The following HS6ST3 variants were observed in gnomAD, a reference collection of about 807,000 sequenced individuals.
HS6ST3 encodes heparan-sulfate 6-O-sulfotransferase 3.
HS6ST3 carries 12 observed loss-of-function variants against 36.7 expected under a neutral mutation model. The observed-to-expected ratio is 0.33, with a 90% CI of 0.21 to 0.53. The LOEUF is 0.53. Ranked by LOEUF, HS6ST3 falls within the 20% of genes least tolerant of loss-of-function variation. The probability of loss-of-function intolerance (pLI) is 0.95; values close to 1 mark genes in which losing one functional copy is unlikely to be tolerated. For synonymous variants in HS6ST3, 240 were observed against 257.5 expected, an observed-to-expected ratio of 0.93 and a Z score of 0.65; for missense variants, 584 against 640.9, an observed-to-expected ratio of 0.91 and a Z score of 0.96.
chr13:96,187,679 A>G (rs1323005921), intron 1 of HS6ST3, among the ~76,000 whole-genome samples: 1 of 152,186 alleles, frequency 6.6e-6, no homozygotes, highest in African/African-American at 2.4e-5. Context: ...TGTATTATTT[A>G]TGGCAGATCC....
chr13:96,316,396 C>G (rs2054970347), intron 1 of HS6ST3, among the ~76,000 whole-genome samples: 1 of 152,044 alleles, frequency 6.6e-6, no homozygotes, highest in South Asian at 2.1e-4. Flanking sequence ...CATAACTTCC[C>G]TAAGTTCCAA....
intron 1 of HS6ST3, among the ~76,000 whole-genome samples, chr13:96,141,345 C>CT (rs199600786): frequency 0.011 from 1,702 of 151,714 alleles, 39 homozygotes; most frequent in African/African-American, 0.038. Context: ...CAGTAAAGGA[C>CT]TTTTTTTTTC....
chr13:96,370,368 T>C (rs1446497612), intron 1 of HS6ST3, among the ~76,000 whole-genome samples: 1 of 152,238 alleles, frequency 6.6e-6, no homozygotes. Context: ...ATTTGTTGAT[T>C]GCTTATTTTT....
chr13:96,386,986 T>A (rs2055371770), intron 1 of HS6ST3, among the ~76,000 whole-genome samples: 1 of 152,158 alleles, frequency 6.6e-6, no homozygotes, highest in Non-Finnish European at 1.5e-5. Flanking sequence ...TGGAGTGCGG[T>A]GGCATGACCA....
intron 1 of HS6ST3, among the ~76,000 whole-genome samples, chr13:96,636,988 G>A (rs2056552158): frequency 6.6e-6 from 1 of 151,412 alleles, no homozygotes; most frequent in East Asian, 1.9e-4. Context: ...CATAGGTTAT[G>A]AACAAAAATA....
intron 1 of HS6ST3, among the ~76,000 whole-genome samples, chr13:96,460,040 A>T (rs2055776188): frequency 6.6e-6 from 1 of 152,216 alleles, no homozygotes; most frequent in South Asian, 2.1e-4. Flanking sequence ...AATTTGCTAT[A>T]TTGCAGTCAT....
At chr13:96,520,629 G>T (rs186545107) in intron 1 of HS6ST3, among the ~76,000 whole-genome samples, 93 of 148,656 alleles carry the variant, frequency 6.3e-4, no homozygotes, top group Non-Finnish European at 1.3e-3. Context: ...TGTGAATGTA[G>T]CAATTTGGCT....
At chr13:96,241,954 T>G (rs1445467023) in intron 1 of HS6ST3, among the ~76,000 whole-genome samples, 1 of 151,510 alleles carries the variant, frequency 6.6e-6, no homozygotes, top group Non-Finnish European at 1.5e-5. Flanking sequence ...CCCGGCTAAT[T>G]TTTTGTATTT....
intron 1 of HS6ST3, among the ~76,000 whole-genome samples, chr13:96,351,335 T>TA (rs1555300084): frequency 1.4e-4 from 21 of 146,402 alleles, no homozygotes; most frequent in Admixed American, 4.7e-4. Flanking sequence ...TTTTTTTTTT[T>TA]AAAAAAAACA....
intron 1 of HS6ST3, among the ~76,000 whole-genome samples, chr13:96,784,159 T>G (rs535975844): frequency 7.2e-5 from 11 of 151,808 alleles, no homozygotes; most frequent in Non-Finnish European, 1.5e-5. Context: ...TGTATCAATA[T>G]CTGCTTTATC....
chr13:96,328,679 G>A (rs11620222), intron 1 of HS6ST3, among the ~76,000 whole-genome samples: 1,981 of 151,786 alleles, frequency 0.013, 22 homozygotes, highest in East Asian at 0.049. Context: ...TTGGTATCAG[G>A]ATGATGCTGG....
intron 1 of HS6ST3, among the ~76,000 whole-genome samples, chr13:96,474,901 A>C (rs1488218103): frequency 6.6e-6 from 1 of 152,252 alleles, no homozygotes; most frequent in Non-Finnish European, 1.5e-5. Context: ...ATAAGATCAA[A>C]TAGAAAGTGA....
At chr13:96,155,737 C>G (rs1431457243) in intron 1 of HS6ST3, among the ~76,000 whole-genome samples, 1 of 152,164 alleles carries the variant, frequency 6.6e-6, no homozygotes, top group Non-Finnish European at 1.5e-5. Context: ...TGCAATTTAT[C>G]ATACTATTTT....
intron 1 of HS6ST3, among the ~76,000 whole-genome samples, chr13:96,382,860 T>C (rs932960206): frequency 2.0e-5 from 3 of 152,210 alleles, no homozygotes; most frequent in Non-Finnish European, 2.9e-5. Context: ...TAAGCCTAAC[T>C]TATAATTTAA....
intron 1 of HS6ST3, among the ~76,000 whole-genome samples, chr13:96,396,338 T>G (rs1055349533): frequency 5.3e-5 from 8 of 151,940 alleles, no homozygotes; most frequent in Non-Finnish European, 1.2e-4. Flanking sequence ...TTGTTTGTTT[T>G]TTAAAAGGAA....
At chr13:96,388,799 G>A (rs1224198634) in intron 1 of HS6ST3, among the ~76,000 whole-genome samples, 1 of 152,070 alleles carries the variant, frequency 6.6e-6, no homozygotes, top group Non-Finnish European at 1.5e-5. Context: ...TAAGCGTCTG[G>A]CATTTCCCCT....
chr13:96,775,913 A>C (rs1877377531), intron 1 of HS6ST3, among the ~76,000 whole-genome samples: 1 of 152,204 alleles, frequency 6.6e-6, no homozygotes, highest in Non-Finnish European at 1.5e-5. Flanking sequence ...CATCGCAATG[A>C]TTCTAAAATT....
intron 1 of HS6ST3, among the ~76,000 whole-genome samples, chr13:96,571,614 A>G (rs1322022471): frequency 1.3e-5 from 2 of 152,190 alleles, no homozygotes; most frequent in East Asian, 3.8e-4. Flanking sequence ...TATTCTTGCC[A>G]AAGCTAGTCT....
At chr13:96,582,618 G>A (rs993137453) in intron 1 of HS6ST3, among the ~76,000 whole-genome samples, 1 of 152,112 alleles carries the variant, frequency 6.6e-6, no homozygotes, top group East Asian at 1.9e-4. Context: ...GAACTAATGA[G>A]TAGGAGATGT....
Sources: gnomAD v4.1 joint callset for allele counts (sites outside exome capture counted in the v4.1 genomes callset) on GRCh38, gnomAD v4.1.1 for gene constraint, MANE v1.5 for transcripts, NCBI Gene and HGNC (gene_info 2026-07-23, HGNC 2026-07-21) for gene names.